The following PDE4B variants were observed in gnomAD, a reference collection of about 807,000 sequenced individuals.
PDE4B encodes the protein phosphodiesterase 4B, also known as 3',5'-cyclic-AMP phosphodiesterase 4B.
Under a neutral mutation model 82.2 loss-of-function variants are expected in PDE4B, and 20 were observed. The ratio of observed to expected loss-of-function variants is 0.24; its 90% CI spans 0.17 to 0.35. The LOEUF (loss-of-function observed/expected upper bound fraction) is 0.35, where lower values mean the gene tolerates loss of function less well. Ranked by LOEUF, PDE4B falls within the 10% of genes least tolerant of loss-of-function variation. PDE4B has a pLI of 1.00. For missense variants in PDE4B, 655 were observed against 907.2 expected (o/e 0.72, Z 3.57); for synonymous variants, 320 against 318.9 (o/e 1.00, Z -0.04).
chr1:66,125,649 G>A (rs528725001), intron 3 of PDE4B, among the ~76,000 whole-genome samples: 2 of 152,110 alleles, frequency 1.3e-5, no homozygotes, highest in East Asian at 1.9e-4. Context: ...CTGGGATTTC[G>A]CTTAAAGTTG....
chr1:66,234,382 G>A (rs1046015018), intron 3 of PDE4B, among the ~76,000 whole-genome samples: 2 of 152,062 alleles, frequency 1.3e-5, no homozygotes, highest in Non-Finnish European at 2.9e-5. Context: ...TCTGCCTCCC[G>A]GGTTCAAGTG....
intron 3 of PDE4B, among the ~76,000 whole-genome samples, chr1:66,228,601 C>G (rs537510219): frequency 6.6e-6 from 1 of 150,400 alleles, no homozygotes; most frequent in East Asian, 2.0e-4. Flanking sequence ...TGCACTCCAG[C>G]CTGGGCGACA....
chr1:66,337,684 C>T (rs1660638031), intron 8 of PDE4B, among the ~76,000 whole-genome samples: 1 of 152,320 alleles, frequency 6.6e-6, no homozygotes, highest in South Asian at 2.1e-4. Flanking sequence ...AAGGAGATAG[C>T]TCAATGTATA....
At chr1:66,330,484 A>G (rs1354100916) in intron 7 of PDE4B, among the ~76,000 whole-genome samples, 1 of 152,238 alleles carries the variant, frequency 6.6e-6, no homozygotes, top group African/African-American at 2.4e-5. Context: ...GTGATGTATC[A>G]TCTTGCAGTC....
intron 1 of PDE4B, among the ~76,000 whole-genome samples, chr1:65,840,379 A>G (rs1646193618): frequency 6.6e-6 from 1 of 152,218 alleles, no homozygotes; most frequent in Non-Finnish European, 1.5e-5. Flanking sequence ...GATGTACAAA[A>G]TAATACCAAA....
chr1:66,208,218 T>A (rs1322849435), intron 3 of PDE4B, among the ~76,000 whole-genome samples: 2 of 152,216 alleles, frequency 1.3e-5, no homozygotes, highest in African/African-American at 4.8e-5. Flanking sequence ...TGTACCTTCT[T>A]GGAGCCTTGA....
chr1:66,067,168 T>G (rs985828442), intron 3 of PDE4B, among the ~76,000 whole-genome samples: 1 of 152,010 alleles, frequency 6.6e-6, no homozygotes, highest in Non-Finnish European at 1.5e-5. Context: ...TGTGTCTTTA[T>G]AGTAGCATGA....
chr1:66,077,164 T>C (rs777024425), intron 3 of PDE4B, among the ~76,000 whole-genome samples: 47 of 152,216 alleles, frequency 3.1e-4, no homozygotes, highest in Non-Finnish European at 6.3e-4. Context: ...TTTAAGTCTT[T>C]AATCCATCTT....
chr1:65,966,173 T>A (rs1649817793), intron 3 of PDE4B, among the ~76,000 whole-genome samples: 1 of 152,196 alleles, frequency 6.6e-6, no homozygotes, highest in Admixed American at 6.5e-5. Context: ...CAAAATCTCC[T>A]TAAGCTGATA....
At chr1:65,966,260 A>G (rs1194293433) in intron 3 of PDE4B, among the ~76,000 whole-genome samples, 1 of 151,760 alleles carries the variant, frequency 6.6e-6, no homozygotes, top group Non-Finnish European at 1.5e-5. Context: ...AATAATAGAC[A>G]AACAGAGAGC....
intron 3 of PDE4B, among the ~76,000 whole-genome samples, chr1:66,108,615 T>G (rs554897664): frequency 6.6e-6 from 1 of 151,944 alleles, no homozygotes; most frequent in East Asian, 1.9e-4. Context: ...AACAATCCAA[T>G]TTTTTAAATG....
intron 1 of PDE4B, among the ~76,000 whole-genome samples, chr1:65,835,870 T>G (rs1646133739): frequency 6.6e-6 from 1 of 152,178 alleles, no homozygotes; most frequent in Admixed American, 6.5e-5. Context: ...ACACCAGACC[T>G]GTATTCCCAC....
At chr1:66,123,821 A>G (rs1044393348) in intron 3 of PDE4B, among the ~76,000 whole-genome samples, 1 of 152,212 alleles carries the variant, frequency 6.6e-6, no homozygotes, top group Non-Finnish European at 1.5e-5. Flanking sequence ...TAAATCCCTT[A>G]GCCTACCAGT....
At chr1:66,058,035 C>G (rs1376267008) in intron 3 of PDE4B, among the ~76,000 whole-genome samples, 2 of 152,166 alleles carry the variant, frequency 1.3e-5, no homozygotes, top group African/African-American at 4.8e-5. Flanking sequence ...CAAAAGCAAG[C>G]TAGTTACTTC....
At chr1:65,951,788 G>C (rs892233729) in intron 3 of PDE4B, among the ~76,000 whole-genome samples, 1 of 152,024 alleles carries the variant, frequency 6.6e-6, no homozygotes, top group Non-Finnish European at 1.5e-5. Flanking sequence ...AGATCCCAAT[G>C]TTCTTCCTCC....
chr1:65,927,706 C>T (rs909494993), intron 3 of PDE4B, among the ~76,000 whole-genome samples: 2 of 151,824 alleles, frequency 1.3e-5, no homozygotes, highest in Admixed American at 1.3e-4. Context: ...GCACTAATCT[C>T]CACAGTCCCT....
intron 7 of PDE4B, among the ~76,000 whole-genome samples, chr1:66,291,729 G>T (rs759368848): frequency 5.9e-5 from 9 of 152,072 alleles, no homozygotes; most frequent in Non-Finnish European, 1.2e-4. Context: ...TGGGCTCCAA[G>T]GACTGGCAAT....
rs377684404 is a variant in PDE4B at position 65,964,104 on chromosome 1, C to CT, written c.281+45271dup. Among the ~76,000 whole-genome samples the CT allele has an allele frequency of 5.3e-3, 805 of 152,168 alleles. 3 individuals are homozygous for CT. The highest frequency in any genetic ancestry group is 0.018 in the African/African-American group (762 of 41,530). On this transcript the variant is annotated intron_variant, in intron 3 of 16. Transcript: ENST00000341517. ...TTATTGTTAAATGATTGATATAACA[C>CT]TTACACTGAGAAAAAAATTTATTCC...
intron 8 of PDE4B, among the ~76,000 whole-genome samples, chr1:66,343,033 C>A (rs1251208247): frequency 6.6e-6 from 1 of 151,850 alleles, no homozygotes; most frequent in Non-Finnish European, 1.5e-5. Context: ...AGCCTGGGTG[C>A]TGGGTGATGG....
Sources: gnomAD v4.1 joint callset for allele counts (sites outside exome capture counted in the v4.1 genomes callset) on GRCh38, gnomAD v4.1.1 for gene constraint, MANE v1.5 for transcripts, NCBI Gene and HGNC (gene_info 2026-07-23, HGNC 2026-07-21) for gene names.